The following GRM8 variants were observed in gnomAD, a reference collection of about 807,000 sequenced individuals.
GRM8 encodes metabotropic glutamate receptor 8.
A neutral mutation model predicts 87.2 loss-of-function variants in GRM8; 47 were observed. The ratio of observed to expected loss-of-function variants is 0.54; its 90% CI spans 0.43 to 0.69. The LOEUF (loss-of-function observed/expected upper bound fraction) is 0.69, where lower values mean the gene tolerates loss of function less well. Ranked by LOEUF, GRM8 falls within the 30% of genes least tolerant of loss-of-function variation. The pLI is 0.00. For missense variants in GRM8, 1,019 were observed against 1,139.2 expected (o/e 0.89, Z 1.52); for synonymous variants, 396 against 404.5 (o/e 0.98, Z 0.25).
At chr7:127,113,263 G>C (rs1270954784) in intron 2 of GRM8, among the ~76,000 whole-genome samples, 1 of 152,016 alleles carries the variant, frequency 6.6e-6, no homozygotes, top group Non-Finnish European at 1.5e-5. Flanking sequence ...ACAGTTACTG[G>C]TTTGCTAAAT....
Position 127,245,118 on chromosome 7 carries a change from A to G in GRM8, c.-311-1603T>C, listed in dbSNP as rs151186593. 9.6e-4 allele frequency among the ~76,000 whole-genome samples: 146 copies of G among 152,370 alleles called. 1 individual carries two copies. Among genetic ancestry groups the G allele is most frequent in the African/African-American group, 3.2e-3 (134 of 41,594 alleles). ...GACCTCAGGCATTCCACAAAAGGAA[A>G]CACTCAGAAAGTCAACCTGATTTTC... is the stretch of plus-strand genomic sequence containing the variant. On this transcript the variant is annotated intron_variant, in intron 1 of 10. Coordinates refer to ENST00000339582, the MANE Select transcript of GRM8 (RefSeq NM_000845.3).
At chr7:127,143,428 A>C (rs1828384676) in intron 2 of GRM8, among the ~76,000 whole-genome samples, 1 of 152,168 alleles carries the variant, frequency 6.6e-6, no homozygotes, top group Non-Finnish European at 1.5e-5. Context: ...ATCCAGTGTG[A>C]TACCTCTCAA....
chr7:127,097,123 G>C (rs1824736434), intron 3 of GRM8, among the ~76,000 whole-genome samples: 1 of 152,160 alleles, frequency 6.6e-6, no homozygotes, highest in Non-Finnish European at 1.5e-5. Context: ...TGATAGAAAA[G>C]ATTGACAGAG....
rs539622251 is a variant in GRM8, at chr7:126,774,600, T to A, written c.1157-4535A>T. ...ATCTTCATTAATGAAATCTAAATCTTGTGACTGGATCTCAAGTTCCTGGAA... is the reference window on the plus strand; with the variant it reads ...ATCTTCATTAATGAAATCTAAATCTAGTGACTGGATCTCAAGTTCCTGGAA... On this transcript the variant is annotated intron_variant, in intron 6 of 10. Transcript: ENST00000339582. Among the ~76,000 whole-genome samples the A allele has an allele frequency of 9.8e-5, 15 of 152,294 alleles. No homozygotes were observed. The South Asian group carries it at 3.1e-3, about 32-fold the overall frequency.
chr7:126,869,745 G>T (rs1798919733), intron 6 of GRM8: 1 of 151,904 alleles, frequency 6.6e-6, no homozygotes, highest in Admixed American at 6.6e-5. Flanking sequence ...CTGTCATCTG[G>T]CTTTGTTATT....
At chr7:127,145,183 G>C (rs545568412) in intron 2 of GRM8, among the ~76,000 whole-genome samples, 1 of 152,168 alleles carries the variant, frequency 6.6e-6, no homozygotes, top group East Asian at 1.9e-4. Context: ...GATGAAAATT[G>C]TTAAATCTGA....
intron 3 of GRM8, among the ~76,000 whole-genome samples, chr7:126,949,563 T>C (rs766709483): frequency 6.6e-6 from 1 of 152,210 alleles, no homozygotes; most frequent in Admixed American, 6.5e-5. Flanking sequence ...TCCTCGAATA[T>C]CTCCATGGTT....
Position 126,461,589 on chromosome 7 carries a change from C to T in GRM8, c.2431-15217G>A, listed in dbSNP as rs187193797. On this transcript the variant is annotated intron_variant, in intron 9 of 10. Coordinates refer to ENST00000339582, the MANE Select transcript of GRM8 (RefSeq NM_000845.3). The stretch of plus-strand genomic sequence containing the variant: ...ACAGACTTGTCTTTTTCTCCAATAT[C>T]CTGCCTTTGAAACTGTCTTAACATT... Among the ~76,000 whole-genome samples the T allele has an allele frequency of 2.6e-5, 4 of 151,692 alleles. No homozygotes were observed. The Admixed American group carries it at 2.6e-4, about 10-fold the overall frequency.
intron 3 of GRM8, among the ~76,000 whole-genome samples, chr7:127,015,940 G>C (rs1815624810): frequency 6.6e-6 from 1 of 152,048 alleles, no homozygotes; most frequent in African/African-American, 2.4e-5. Flanking sequence ...TAAGACATTT[G>C]AGAGAATGAG....
chr7:126,601,412 A>C (rs1163492027), intron 8 of GRM8, among the ~76,000 whole-genome samples: 2 of 152,154 alleles, frequency 1.3e-5, no homozygotes, highest in Non-Finnish European at 2.9e-5. Context: ...GTGTCTTTAT[A>C]GCAGCATGAT....
chr7:127,116,817 T>C (rs1826725884), intron 2 of GRM8, among the ~76,000 whole-genome samples: 1 of 152,142 alleles, frequency 6.6e-6, no homozygotes, highest in Non-Finnish European at 1.5e-5. Context: ...GGCTGAAAAA[T>C]ATTAAACCAT....
intron 7 of GRM8, among the ~76,000 whole-genome samples, chr7:126,762,407 G>C (rs898998600): frequency 6.6e-6 from 1 of 150,900 alleles, no homozygotes; most frequent in Non-Finnish European, 1.5e-5. Flanking sequence ...GCAGAACTAG[G>C]GGAAAAAAAC....
At chr7:127,217,481 A>T (rs533046130) in intron 2 of GRM8, among the ~76,000 whole-genome samples, 3 of 152,356 alleles carry the variant, frequency 2.0e-5, no homozygotes, top group African/African-American at 7.2e-5. Flanking sequence ...TCAGGGAATC[A>T]GAACTTCCCA....
chr7:127,246,756 C>T (rs1266405799), intron 1 of GRM8, among the ~76,000 whole-genome samples: 1 of 152,226 alleles, frequency 6.6e-6, no homozygotes, highest in African/African-American at 2.4e-5. Context: ...CCTCACTGGC[C>T]AGAGCCCAGA....
chr7:126,502,269 G>A (rs1187064652), intron 9 of GRM8, among the ~76,000 whole-genome samples: 1 of 152,034 alleles, frequency 6.6e-6, no homozygotes, highest in African/African-American at 2.4e-5. Flanking sequence ...ACAGTGACAA[G>A]CTAAGTACCC....
At chr7:126,893,009 C>A (rs1801205216) in intron 6 of GRM8, among the ~76,000 whole-genome samples, 1 of 152,156 alleles carries the variant, frequency 6.6e-6, no homozygotes, top group Non-Finnish European at 1.5e-5. Context: ...AGGACATGAA[C>A]TTTTTACATT....
intron 6 of GRM8, among the ~76,000 whole-genome samples, chr7:126,827,642 T>C (rs1333936615): frequency 6.6e-6 from 1 of 152,152 alleles, no homozygotes; most frequent in Non-Finnish European, 1.5e-5. Flanking sequence ...TCTAGATATA[T>C]AATCATGTCA....
chr7:126,481,139 T>C (rs563860538), intron 9 of GRM8, among the ~76,000 whole-genome samples: 19 of 152,200 alleles, frequency 1.2e-4, no homozygotes, highest in African/African-American at 4.3e-4. Flanking sequence ...CTGACATAAA[T>C]ATTTGAATAA....
At chr7:126,645,726 T>C (rs1207924124) in intron 7 of GRM8, among the ~76,000 whole-genome samples, 4 of 152,198 alleles carry the variant, frequency 2.6e-5, no homozygotes, top group Admixed American at 6.5e-5. Context: ...GTCTGATTAG[T>C]ACTAAGTAGT....
Sources: allele counts gnomAD v4.1 joint callset (sites outside exome capture counted in the v4.1 genomes callset), GRCh38; gene constraint gnomAD v4.1.1; transcripts MANE v1.5; gene names NCBI Gene and HGNC (gene_info 2026-07-23, HGNC 2026-07-21).